Variants in ZNF362 observed in about 807,000 individuals in gnomAD.
The protein encoded by ZNF362 is rotund homolog.
Under a neutral mutation model 42.9 loss-of-function variants are expected in ZNF362, and 11 were observed. The observed-to-expected ratio is 0.26, with a 90% CI of 0.16 to 0.42. The LOEUF (loss-of-function observed/expected upper bound fraction) is 0.42, where lower values mean the gene tolerates loss of function less well. Ranked by LOEUF, ZNF362 falls within the 20% of genes least tolerant of loss-of-function variation. The pLI is 1.00. For missense variants in ZNF362, 362 were observed against 576.2 expected (o/e 0.63, Z 3.81); for synonymous variants, 255 against 257.3 (o/e 0.99, Z 0.09).
At chr1:33,292,966 C>T (rs1187711893) in intron 6 of ZNF362, among the ~76,000 whole-genome samples, 3 of 152,192 alleles carry the variant, frequency 2.0e-5, no homozygotes, top group Non-Finnish European at 4.4e-5. Flanking sequence ...TGGGTCAGCC[C>T]AGCTTCTCTT....
chr1:33,282,124 C>T (rs990358088), intron 6 of ZNF362, among the ~76,000 whole-genome samples: 4 of 152,218 alleles, frequency 2.6e-5, no homozygotes, highest in African/African-American at 9.7e-5. Flanking sequence ...TCCCTGATTG[C>T]TCTAGCTGGG....
chr1:33,236,553 ATATAT>A, the ZNF362 span, among the ~76,000 whole-genome samples: 4 of 93,044 alleles, frequency 4.3e-5, no homozygotes, highest in South Asian at 3.8e-4. Context: ...AAAAAAAAAT[ATATAT>A]ATATATATAT....
At chr1:33,162,664 T>C in the ZNF362 span, among the ~76,000 whole-genome samples, 1 of 151,686 alleles carries the variant, frequency 6.6e-6, no homozygotes, top group African/African-American at 2.4e-5. Context: ...GGTTTCAATG[T>C]CTCAAGGACG....
At chr1:33,146,865 A>C in the ZNF362 span, 1 of 373,406 alleles carries the variant, frequency 2.7e-6, no homozygotes, top group Non-Finnish European at 4.9e-6. Context: ...GAGACACTGG[A>C]AGGTAGTCCC....
At chr1:33,145,844 C>T in the ZNF362 span, 1 of 470,902 alleles carries the variant, frequency 2.1e-6, no homozygotes, top group Admixed American at 2.4e-5. Flanking sequence ...TTGCTCCACC[C>T]ACCCTAACTT....
the ZNF362 span, among the ~76,000 whole-genome samples, chr1:33,194,361 C>A: frequency 2.0e-5 from 3 of 151,784 alleles, no homozygotes; most frequent in Non-Finnish European, 2.9e-5. Context: ...AATGGCAAAA[C>A]CCCATCTCTA....
chr1:33,175,590 A>G, the ZNF362 span, among the ~76,000 whole-genome samples: 1 of 152,166 alleles, frequency 6.6e-6, no homozygotes, highest in Non-Finnish European at 1.5e-5. Context: ...TCCCTGGGAC[A>G]GTTGGCGTGT....
At chr1:33,210,441 C>T in the ZNF362 span, among the ~76,000 whole-genome samples, 75 of 152,256 alleles carry the variant, frequency 4.9e-4, no homozygotes, top group African/African-American at 1.8e-3. Context: ...TCTATTAGGT[C>T]TGCTTGGTCC....
upstream of ZNF362, among the ~76,000 whole-genome samples, chr1:33,254,251 T>C (rs1017882493): frequency 6.6e-6 from 1 of 152,116 alleles, no homozygotes; most frequent in African/African-American, 2.4e-5. Context: ...CTCAGACTCC[T>C]GAGTAGCTGA....
At chr1:33,211,857 C>G in the ZNF362 span, among the ~76,000 whole-genome samples, 2 of 152,178 alleles carry the variant, frequency 1.3e-5, no homozygotes, top group Non-Finnish European at 2.9e-5. Context: ...TTCTCCCCAT[C>G]ACTTTCAGGT....
At chr1:33,147,146 C>G in the ZNF362 span, 1 of 1,601,976 alleles carries the variant, frequency 6.2e-7, no homozygotes, top group African/African-American at 1.3e-5. This position sits in a 1 kb window ranked among gnomAD's most constrained non-coding sequence, Gnocchi z 8.1. Context: ...TGGCAGTGGT[C>G]CCAGGAGGTT....
chr1:33,135,077 G>T, the ZNF362 span, among the ~76,000 whole-genome samples: 1 of 152,150 alleles, frequency 6.6e-6, no homozygotes, highest in African/African-American at 2.4e-5. Flanking sequence ...CCTGAGTCAG[G>T]AGTTTTAAGA....
chr1:33,246,301 A>C, the ZNF362 span, among the ~76,000 whole-genome samples: 1 of 152,210 alleles, frequency 6.6e-6, no homozygotes, highest in Non-Finnish European at 1.5e-5. Flanking sequence ...CCCTCTTGTC[A>C]TGGGATGTCT....
At chr1:33,208,593 T>C in the ZNF362 span, among the ~76,000 whole-genome samples, 13 of 152,334 alleles carry the variant, frequency 8.5e-5, no homozygotes, top group East Asian at 9.6e-4. Flanking sequence ...GTTTGTGTCC[T>C]CTTTTATTTT....
At chr1:33,258,594 A>C (rs4653349) in intron 1 of ZNF362, among the ~76,000 whole-genome samples, 149,378 of 152,118 alleles carry the variant, frequency 0.98, 73,392 homozygotes, top group Middle Eastern at 1. Flanking sequence ...GGAGACTGAG[A>C]CCGGGACCTG....
chr1:33,248,282 C>T, the ZNF362 span, among the ~76,000 whole-genome samples: 1 of 152,190 alleles, frequency 6.6e-6, no homozygotes, highest in African/African-American at 2.4e-5. Flanking sequence ...CATGTCCTGC[C>T]CTGCCTGGTC....
Position 33,295,261 on chromosome 1 carries a change from G to A in ZNF362, c.1102G>A (p.Ala368Thr), listed in dbSNP as rs748666905. The stretch of plus-strand genomic sequence containing the variant: ...CCTCTCGGCCCACGCCATCAAGCAC[G>A]CCAAGGCCTACTGCTGCAGCATGTG... ...IHLSAHAIKHAKAYCCSMCGR... is the reference protein window; with the variant it reads ...IHLSAHAIKHTKAYCCSMCGR... Residue 368 changes from alanine (A) to threonine (T), a missense_variant, in exon 8 of 9, where the codon GCC becomes ACC. Physicochemically the swap from Ala to Thr is moderately conservative, Grantham distance 58 (BLOSUM62 0). Coordinates refer to ENST00000539719, the MANE Select transcript of ZNF362 (RefSeq NM_152493.3). The A allele has an allele frequency of 1.7e-5, 28 of 1,614,098 alleles. No homozygotes were observed. The highest frequency in any genetic ancestry group is 4.5e-5 in the East Asian group (2 of 44,888).
chr1:33,147,822 G>A, the ZNF362 span: 6 of 1,404,746 alleles, frequency 4.3e-6, no homozygotes, highest in East Asian at 2.3e-5. The surrounding 1 kb of genome is among the most constrained non-coding windows in gnomAD (Gnocchi z 8.1). Flanking sequence ...TGGTTGGTAC[G>A]CAGGAGGCCT....
In ZNF362 at chr1:33,276,604, G is replaced by T; in HGVS notation, c.349+10G>T. ...ACCAGCACCGTCACAGGTAGGCCGAGCGGGCGGGGCCGGCGGGGCCGGTGA... is the reference window on the plus strand; with the variant it reads ...ACCAGCACCGTCACAGGTAGGCCGATCGGGCGGGGCCGGCGGGGCCGGTGA... On this transcript the variant is annotated intron_variant, in intron 4 of 8. Coordinates refer to ENST00000539719, the MANE Select transcript of ZNF362 (RefSeq NM_152493.3). 7.5e-7 allele frequency: 1 copy of T among 1,330,284 alleles called. No individual in the cohort carries two copies. The highest frequency in any genetic ancestry group is 3.3e-5 in the East Asian group (1 of 30,584). The allele number at this position is 1,330,284 out of a possible 1,614,324, so 82.4% of individuals were successfully genotyped here. A position where few individuals can be genotyped will look rare whatever the true frequency, so the allele number is the denominator to read the frequency against.
Sources: gnomAD v4.1 joint callset for allele counts (sites outside exome capture counted in the v4.1 genomes callset) on GRCh38, gnomAD v4.1.1 for gene constraint, Gnocchi (gnomAD v3.1) non-coding constraint, MANE v1.5 for transcripts, NCBI Gene and HGNC (gene_info 2026-07-23, HGNC 2026-07-21) for gene names.